REPS1: variants seen among roughly 807,000 people sequenced by gnomAD.
REPS1 encodes the protein ralBP1-associated Eps domain-containing protein 1.
REPS1 carries 39 observed loss-of-function variants against 100.9 expected under a neutral mutation model. The ratio of observed to expected loss-of-function variants is 0.39; its 90% CI spans 0.30 to 0.50. REPS1 has a LOEUF of 0.50. REPS1 is among the 20% of genes least tolerant of loss of function. The pLI, the probability that REPS1 is intolerant of heterozygous loss-of-function variation, is 0.86. For missense variants in REPS1, 821 were observed against 968.5 expected, an observed-to-expected ratio of 0.85 and a Z score of 2.02; for synonymous variants, 324 against 340.3, an observed-to-expected ratio of 0.95 and a Z score of 0.53.
chr6:138,971,400 T>C (rs1410980859), intron 1 of REPS1, among the ~76,000 whole-genome samples: 1 of 152,134 alleles, frequency 6.6e-6, no homozygotes, highest in African/African-American at 2.4e-5. Context: ...CATCTCTAAA[T>C]TGACTTGTGG....
At chr6:138,941,678 T>C (rs1370341909) in intron 7 of REPS1, among the ~76,000 whole-genome samples, 189 bp from the exon 8 acceptor site, 1 of 152,214 alleles carries the variant, frequency 6.6e-6, no homozygotes, top group Non-Finnish European at 1.5e-5. Context: ...TAGGTGGTAG[T>C]ATATGAATGC....
intron 1 of REPS1, among the ~76,000 whole-genome samples, chr6:138,959,032 G>A (rs1233150505): frequency 6.6e-6 from 1 of 152,104 alleles, no homozygotes; most frequent in Non-Finnish European, 1.5e-5. Flanking sequence ...CCCAATAAAC[G>A]GCAGAGTTAT....
intron 15 of REPS1, among the ~76,000 whole-genome samples, 170 bp from the exon 16 acceptor site, chr6:138,913,120 C>A (rs985531898): frequency 6.6e-6 from 1 of 151,748 alleles, no homozygotes; most frequent in African/African-American, 2.4e-5. Context: ...ATGATTAAAC[C>A]ATAAGTGAAA....
Position 138,943,532 on chromosome 6 carries a change from G to T in REPS1, c.961C>A (p.Leu321Ile). ...ACTTACCAAATATGAGAAAGTTCAA[G>T]AATAGGAAGTTTTGATTTTGTAAAA... ...EFFTKSKLPI[L>I]ELSHIWELSD... Residue 321 changes from leucine (L) to isoleucine (I), a missense_variant, in exon 7 of 20, where the codon CTT (leucine) becomes ATT (isoleucine). Leu to Ile is a conservative substitution (Grantham distance 5, BLOSUM62 2). Coordinates refer to ENST00000450536, the MANE Select transcript of REPS1 (RefSeq NM_001286611.2). The T allele has an allele frequency of 1.3e-6, 2 of 1,590,680 alleles. No homozygotes were observed. Among genetic ancestry groups the T allele is most frequent in the South Asian group, 1.1e-5 (1 of 90,400 alleles).
At chr6:138,954,451 T>C (rs1783244462) in intron 1 of REPS1, among the ~76,000 whole-genome samples, 1 of 151,048 alleles carries the variant, frequency 6.6e-6, no homozygotes, top group African/African-American at 2.4e-5. Flanking sequence ...GAAGAAGAAC[T>C]GTTTTGGGCC....
At chr6:138,968,037 C>T (rs1359559551) in intron 1 of REPS1, among the ~76,000 whole-genome samples, 2 of 152,130 alleles carry the variant, frequency 1.3e-5, no homozygotes, top group Non-Finnish European at 2.9e-5. Context: ...TATCCCAAGT[C>T]AAAAGTATGT....
intron 1 of REPS1, among the ~76,000 whole-genome samples, chr6:138,964,344 T>C (rs908303319): frequency 6.6e-6 from 1 of 152,182 alleles, no homozygotes; most frequent in African/African-American, 2.4e-5. Flanking sequence ...TTAGGTAAAA[T>C]TAACTGTCTA....
intron 1 of REPS1, among the ~76,000 whole-genome samples, chr6:138,986,375 C>A (rs1469440616): frequency 2.0e-5 from 3 of 152,210 alleles, no homozygotes; most frequent in African/African-American, 7.2e-5. Flanking sequence ...GACTTAACTT[C>A]TAAAACAGAG....
intron 1 of REPS1, among the ~76,000 whole-genome samples, chr6:138,982,210 C>T (rs911276378): frequency 6.6e-6 from 1 of 152,184 alleles, no homozygotes; most frequent in Non-Finnish European, 1.5e-5. Flanking sequence ...AAACTTATCA[C>T]TAATGCCAGA....
At position 138,978,289 on chromosome 6, in the gene REPS1, TTTTC is replaced by T. The variant is rs1337742972; in HGVS notation, c.153+9237_153+9240del. ...AAGCCCAATTATTTGTTTCTTTTCC[TTTTC>T]TTTTTTTTTTTTTGAGACAGGGTCT... is the stretch of plus-strand genomic sequence containing the variant. On this transcript the variant is annotated intron_variant, in intron 1 of 19. Coordinates refer to ENST00000450536, the MANE Select transcript of REPS1 (RefSeq NM_001286611.2). 1.9e-3 allele frequency among the ~76,000 whole-genome samples: 289 copies of T among 148,326 alleles called. 1 individual carries two copies. The highest frequency in any genetic ancestry group is 6.7e-3 in the African/African-American group (265 of 39,454).
intron 1 of REPS1, among the ~76,000 whole-genome samples, chr6:138,955,272 A>T (rs532248338): frequency 3.1e-4 from 47 of 152,024 alleles, no homozygotes; most frequent in Non-Finnish European, 5.9e-4. Flanking sequence ...CAACATGGTG[A>T]GACCCTGTCT....
chr6:138,916,290 GGCTCAC>G, intron 13 of REPS1: 1 of 213,538 alleles, frequency 4.7e-6, no homozygotes, highest in Non-Finnish European at 8.4e-6. Flanking sequence ...ACACCATTTT[GGCTCAC>G]TGCAACCTCC....
At chr6:138,937,530 T>A (rs572629203) in intron 8 of REPS1, among the ~76,000 whole-genome samples, 3 of 151,402 alleles carry the variant, frequency 2.0e-5, no homozygotes, top group Admixed American at 2.0e-4. Context: ...TTAAAAAAAA[T>A]TCGTGTTGGA....
chr6:138,955,351 G>A (rs1783307630), intron 1 of REPS1, among the ~76,000 whole-genome samples: 1 of 151,504 alleles, frequency 6.6e-6, no homozygotes, highest in Non-Finnish European at 1.5e-5. Context: ...GGGAAGCTGA[G>A]GTAGGAAGAT....
chr6:138,956,987 T>C (rs902924724), intron 1 of REPS1, among the ~76,000 whole-genome samples: 2 of 150,276 alleles, frequency 1.3e-5, no homozygotes, highest in Non-Finnish European at 3.0e-5. Flanking sequence ...GAAGATAAAA[T>C]AGAGAAAAAT....
intron 1 of REPS1, among the ~76,000 whole-genome samples, chr6:138,955,858 A>G (rs534637434): frequency 6.6e-6 from 1 of 152,302 alleles, no homozygotes; most frequent in Non-Finnish European, 1.5e-5. Flanking sequence ...AAAATAATAC[A>G]CTACCTCCTT....
At chr6:138,922,551 A>G (rs1017474800) in intron 10 of REPS1, among the ~76,000 whole-genome samples, 2 of 152,218 alleles carry the variant, frequency 1.3e-5, no homozygotes, top group Non-Finnish European at 2.9e-5. Flanking sequence ...GAAAAAGAAG[A>G]AAAAGAGAGG....
chr6:138,944,635 T>C lies in REPS1; in HGVS notation c.629-13A>G, dbSNP rs1782495811. ...CCAGCAGAAGAACCTATAAGGAGAA[T>C]GGGTAAACATGCTGACTCATGTTTG... On this transcript the variant is annotated splice_polypyrimidine_tract_variant and intron_variant, in intron 4 of 19. Coordinates refer to ENST00000450536, the MANE Select transcript of REPS1 (RefSeq NM_001286611.2). The C allele has an allele frequency of 6.2e-6, 10 of 1,607,572 alleles. No individual in the cohort carries two copies. The highest frequency in any genetic ancestry group is 8.5e-6 in the Non-Finnish European group (10 of 1,177,856).
intron 10 of REPS1, among the ~76,000 whole-genome samples, chr6:138,925,437 T>C (rs1385662629): frequency 6.6e-6 from 1 of 152,186 alleles, no homozygotes; most frequent in Non-Finnish European, 1.5e-5. Flanking sequence ...TATCTTTAAA[T>C]GCCACTTCTT....
Sources: allele counts gnomAD v4.1 joint callset (sites outside exome capture counted in the v4.1 genomes callset), GRCh38; gene constraint gnomAD v4.1.1; transcripts MANE v1.5; gene names NCBI Gene and HGNC (gene_info 2026-07-23, HGNC 2026-07-21).